PRKCZ: variants seen among roughly 807,000 people sequenced by gnomAD.
The protein encoded by PRKCZ is protein kinase C zeta type.
A neutral mutation model predicts 79.5 loss-of-function variants in PRKCZ; 33 were observed. The ratio of observed to expected loss-of-function variants is 0.41; its 90% confidence interval spans 0.31 to 0.55. PRKCZ has a LOEUF of 0.55. Ranked by LOEUF, PRKCZ falls within the 20% of genes least tolerant of loss-of-function variation. The probability of loss-of-function intolerance (pLI) is 0.19; values close to 1 mark genes in which losing one functional copy is unlikely to be tolerated. For synonymous variants in PRKCZ, 342 were observed against 320.9 expected, an observed-to-expected ratio of 1.07 and a Z score of -0.70; for missense variants, 578 against 813.5, an observed-to-expected ratio of 0.71 and a Z score of 3.52.
intron 16 of PRKCZ, among the ~76,000 whole-genome samples, chr1:2,180,468 CCAGACGACGCGGACGCA>C (rs1197655599): frequency 6.6e-5 from 10 of 151,348 alleles, no homozygotes; most frequent in Non-Finnish European, 1.2e-4. Flanking sequence ...GCACGGACAC[CCAGACGACGCGGACGCA>C]CAGACGACGC....
At chr1:2,130,972 G>T (rs531814762) in intron 4 of PRKCZ, among the ~76,000 whole-genome samples, 1 of 152,070 alleles carries the variant, frequency 6.6e-6, no homozygotes, top group Non-Finnish European at 1.5e-5. Context: ...CAGTACTCCC[G>T]CCTGACACAG....
chr1:2,167,521 G>C (rs535785227), intron 10 of PRKCZ, among the ~76,000 whole-genome samples: 174 of 152,330 alleles, frequency 1.1e-3, no homozygotes, highest in African/African-American at 3.9e-3. Flanking sequence ...AGGTGGAAGG[G>C]ACCAGCACCC....
At chr1:2,049,864 T>G (rs1659485248), upstream of PRKCZ, 1 of 152,242 alleles carries the variant, frequency 6.6e-6, no homozygotes. Flanking sequence ...GCGGTTGCAC[T>G]CACGAGTGTG....
rs1233004663 is a variant in PRKCZ, at chr1:2,144,512, C to T, written c.552+171C>T. On this transcript the variant is annotated intron_variant, in intron 6 of 17. Transcript: ENST00000378567. ...TCAGGCGGCAGTCTTGGATAGGACCCATCTTCCTGAGCCCCCACAAGCCCC... is the reference window on the plus strand; with the variant it reads ...TCAGGCGGCAGTCTTGGATAGGACCTATCTTCCTGAGCCCCCACAAGCCCC... 4.9e-6 allele frequency: 7 copies of T among 1,428,462 alleles called. No homozygotes were observed. The South Asian group carries it at 8.8e-5, about 18-fold the overall frequency. 88.5% of individuals were successfully genotyped at this position (1,428,462 alleles called of 1,614,324 possible).
intron 4 of PRKCZ, among the ~76,000 whole-genome samples, chr1:2,079,347 G>T (rs1340040256): frequency 6.6e-6 from 1 of 152,360 alleles, no homozygotes; most frequent in Non-Finnish European, 1.5e-5. Context: ...TGTTTTCTTT[G>T]TTCTGGGTAA....
intron 3 of PRKCZ, among the ~76,000 whole-genome samples, chr1:2,058,008 C>T (rs1332946571): frequency 1.3e-5 from 2 of 152,242 alleles, no homozygotes; most frequent in African/African-American, 2.4e-5. Flanking sequence ...GCTGGGACTA[C>T]AGGCATGTGT....
upstream of PRKCZ, chr1:2,050,023 G>A (rs745997979): frequency 3.3e-5 from 5 of 152,356 alleles, no homozygotes; most frequent in Non-Finnish European, 5.9e-5. Context: ...GAGATGTCAG[G>A]GGACCCCTGG....
At position 2,181,701 on chromosome 1, in the gene PRKCZ, C is replaced by T. The variant is rs563549789; in HGVS notation, c.1576-2882C>T. 149 of 400,964 alleles carry T rather than the reference C, an allele frequency of 3.7e-4. 1 individual carries two copies. The highest frequency in any genetic ancestry group is 2.6e-3 in the South Asian group (146 of 56,298). 24.8% of individuals were successfully genotyped at this position (400,964 alleles called of 1,614,324 possible). ...ACGGGCTGGGCCAGGGGCTGGAGGA[C>T]CCTGGGCCAGCTCCAGCTGGGTCCT... On this transcript the variant is annotated intron_variant, in intron 16 of 17. Transcript: ENST00000378567.
intron 10 of PRKCZ, 140 bp from the exon 11 acceptor site, chr1:2,169,378 C>T (rs1034184364): frequency 1.3e-6 from 1 of 747,556 alleles, no homozygotes; most frequent in African/African-American, 1.7e-5. Flanking sequence ...TGCCAGGGTG[C>T]TCCTGCTGCT....
At chr1:2,146,131 C>A (rs137899398) in intron 7 of PRKCZ, 23 bp downstream of exon 7, 1 of 1,599,974 alleles carries the variant, frequency 6.3e-7, no homozygotes, top group South Asian at 1.1e-5. Context: ...TTCTTCCGGC[C>A]GGGTAGAGCC....
intron 5 of PRKCZ, 123 bp from the exon 6 acceptor site, chr1:2,144,087 G>A (rs1199124585): frequency 2.1e-5 from 29 of 1,373,962 alleles, no homozygotes; most frequent in East Asian, 5.2e-5. Flanking sequence ...ACAAGGTGCC[G>A]GGGCCACCTG....
In PRKCZ at chr1:2,174,159, AC is replaced by A. The variant is rs1685000765; in HGVS notation, c.1405+146del. 14 of 1,160,462 alleles carry A rather than the reference AC, an allele frequency of 1.2e-5. No homozygotes were observed. In the South Asian group the frequency reaches 2.5e-4, roughly 21 times the overall value. 71.9% of individuals were successfully genotyped at this position (1,160,462 alleles called of 1,614,324 possible). On this transcript the variant is annotated intron_variant, in intron 14 of 17. Coordinates refer to ENST00000378567, the MANE Select transcript of PRKCZ (RefSeq NM_002744.6). This position sits in a 1 kb window ranked among gnomAD's most constrained non-coding sequence, Gnocchi z 6.2. ...ACCGGGAACCATTCCTCCTGGCCAG[AC>A]CCTGTGTCACATGCCACTCCCCGGG...
chr1:2,124,672 AC>A (rs1416752068), intron 4 of PRKCZ, among the ~76,000 whole-genome samples: 1 of 152,096 alleles, frequency 6.6e-6, no homozygotes, highest in Non-Finnish European at 1.5e-5. Flanking sequence ...GGCTGAGCCG[AC>A]GGAGACAGTT....
In PRKCZ at chr1:2,176,157, C is replaced by T. The variant is rs148213014; in HGVS notation, c.1575+844C>T. On this transcript the variant is annotated intron_variant, in intron 16 of 17. Transcript: ENST00000378567. Reference sequence around the variant, plus strand: ...GGTAGAAACTACTTTGAGTTTTGACCGTTCCCCAGCTGGCCGTATGAGGTC... The same window carrying T: ...GGTAGAAACTACTTTGAGTTTTGACTGTTCCCCAGCTGGCCGTATGAGGTC... Among the ~76,000 whole-genome samples, 42 of 152,164 alleles carry T rather than the reference C, an allele frequency of 2.8e-4. No individual in the cohort carries two copies. The East Asian group carries it at 7.5e-3, about 27-fold the overall frequency.
At chr1:2,111,982 C>T (rs1053465660) in intron 4 of PRKCZ, among the ~76,000 whole-genome samples, 3 of 152,190 alleles carry the variant, frequency 2.0e-5, no homozygotes, top group Non-Finnish European at 2.9e-5. Context: ...CCAGTTGGCA[C>T]CTTCCTTTCA....
At chr1:2,059,170 A>G (rs1227813775) in intron 3 of PRKCZ, among the ~76,000 whole-genome samples, 2 of 152,356 alleles carry the variant, frequency 1.3e-5, no homozygotes, top group East Asian at 3.9e-4. Context: ...AATAATTTTG[A>G]ACTCTGTCTT....
At chr1:2,151,486 C>T (rs1158704896) in intron 9 of PRKCZ, among the ~76,000 whole-genome samples, 2 of 152,236 alleles carry the variant, frequency 1.3e-5, no homozygotes, top group African/African-American at 2.4e-5. Context: ...TTGAGCTGAA[C>T]TGGACGGGTG....
chr1:2,073,494 G>GC, intron 4 of PRKCZ: 1 of 459,168 alleles, frequency 2.2e-6, no homozygotes, highest in Non-Finnish European at 2.9e-6. Flanking sequence ...CCCGGGCTTA[G>GC]CTGGGTTCTG....
intron 4 of PRKCZ, among the ~76,000 whole-genome samples, chr1:2,124,237 G>C (rs144338048): frequency 5.6e-5 from 5 of 88,546 alleles, no homozygotes; most frequent in East Asian, 3.3e-4. Flanking sequence ...TGGTGGTTAG[G>C]GTCACGGTGG....
Sources: allele counts gnomAD v4.1 joint callset (sites outside exome capture counted in the v4.1 genomes callset), GRCh38; gene constraint gnomAD v4.1.1; non-coding constraint Gnocchi (gnomAD v3.1); transcripts MANE v1.5; gene names NCBI Gene and HGNC (gene_info 2026-07-23, HGNC 2026-07-21).